DIAPH3: variants seen among roughly 807,000 people sequenced by gnomAD.
DIAPH3 encodes diaphanous related formin 3.
Under a neutral mutation model 144.3 loss-of-function variants are expected in DIAPH3, and 117 were observed. The observed-to-expected ratio is 0.81, with a 90% confidence interval of 0.70 to 0.95. The LOEUF (loss-of-function observed/expected upper bound fraction) is 0.95. Ranked by LOEUF, DIAPH3 falls within the 40% of genes least tolerant of loss-of-function variation. The probability of loss-of-function intolerance (pLI) is 0.00; values close to 1 mark genes in which losing one functional copy is unlikely to be tolerated. For synonymous variants in DIAPH3, 519 were observed against 488.9 expected, an observed-to-expected ratio of 1.06 and a Z score of -0.81; for missense variants, 1,421 against 1,412.7, an observed-to-expected ratio of 1.01 and a Z score of -0.09.
chr13:59,980,694 G>A (rs1442025782), intron 14 of DIAPH3, 101 bp downstream of exon 14: 4 of 1,084,458 alleles, frequency 3.7e-6, no homozygotes, highest in East Asian at 4.9e-5. Context: ...ACCTGAAGCA[G>A]ATAAAGAAGA....
chr13:59,837,445 C>T (rs901232546), intron 23 of DIAPH3, among the ~76,000 whole-genome samples: 3 of 151,960 alleles, frequency 2.0e-5, no homozygotes, highest in African/African-American at 7.2e-5. Context: ...AACCTTTACT[C>T]CAAGCTCAGG....
intron 27 of DIAPH3, among the ~76,000 whole-genome samples, chr13:59,675,308 T>C (rs961205733): frequency 6.6e-6 from 1 of 152,120 alleles, no homozygotes; most frequent in Non-Finnish European, 1.5e-5. Context: ...TCCCAAGTGA[T>C]TTTCCTGCCT....
intron 23 of DIAPH3, chr13:59,838,170 G>A (rs2042138885): frequency 6.6e-6 from 1 of 151,980 alleles, no homozygotes; most frequent in South Asian, 2.1e-4. Context: ...TTGTCCATAT[G>A]GGATTTTAAT....
At chr13:59,677,481 T>C (rs2032708107) in intron 27 of DIAPH3, among the ~76,000 whole-genome samples, 1 of 152,298 alleles carries the variant, frequency 6.6e-6, no homozygotes, top group Admixed American at 6.5e-5. Flanking sequence ...TCAAATATTA[T>C]CACTTTGACA....
chr13:60,070,282 ATTTT>A (rs61432510), intron 4 of DIAPH3, among the ~76,000 whole-genome samples: 3 of 132,544 alleles, frequency 2.3e-5, no homozygotes, highest in African/African-American at 2.8e-5. Flanking sequence ...TTTCTGTTGG[ATTTT>A]TTTTTTTTTT....
chr13:59,787,161 T>C (rs2039076105), intron 25 of DIAPH3, among the ~76,000 whole-genome samples: 1 of 152,178 alleles, frequency 6.6e-6, no homozygotes, highest in Non-Finnish European at 1.5e-5. Context: ...CAAATACACA[T>C]GACAAGTCAA....
At chr13:59,777,880 G>A (rs2139304704) in intron 25 of DIAPH3, among the ~76,000 whole-genome samples, 1 of 152,254 alleles carries the variant, frequency 6.6e-6, no homozygotes, top group Admixed American at 6.5e-5. Flanking sequence ...ATGAAGTATA[G>A]AGGAGTCCCT....
At chr13:60,063,059 G>A (rs190248297) in intron 4 of DIAPH3, among the ~76,000 whole-genome samples, 2 of 152,272 alleles carry the variant, frequency 1.3e-5, no homozygotes, top group Admixed American at 1.3e-4. Context: ...AATGCTACTT[G>A]ATAGCATTTT....
intron 27 of DIAPH3, among the ~76,000 whole-genome samples, chr13:59,750,897 TA>T (rs1298910565): frequency 6.6e-6 from 1 of 152,228 alleles, no homozygotes; most frequent in Non-Finnish European, 1.5e-5. Context: ...CAACAGGTTT[TA>T]AACAGTCTTC....
intron 17 of DIAPH3, among the ~76,000 whole-genome samples, chr13:59,952,368 A>T (rs1403947150): frequency 6.6e-6 from 1 of 152,154 alleles, no homozygotes; most frequent in Non-Finnish European, 1.5e-5. Context: ...ATTTTATGTG[A>T]TATTAAGTTT....
intron 27 of DIAPH3, among the ~76,000 whole-genome samples, chr13:59,688,811 C>G (rs1359629279): frequency 6.6e-6 from 1 of 151,960 alleles, no homozygotes; most frequent in South Asian, 2.1e-4. Context: ...AAAAATGCTA[C>G]CAAGTACCCA....
At chr13:59,805,517 T>C (rs1001798477) in intron 25 of DIAPH3, among the ~76,000 whole-genome samples, 2 of 151,946 alleles carry the variant, frequency 1.3e-5, no homozygotes, top group African/African-American at 4.8e-5. Context: ...TAAATTAAAA[T>C]AGTTCAAACT....
At chr13:59,689,591 A>G (rs1211505190) in intron 27 of DIAPH3, among the ~76,000 whole-genome samples, 1 of 152,060 alleles carries the variant, frequency 6.6e-6, no homozygotes, top group Admixed American at 6.6e-5. Context: ...CAAAATTCTG[A>G]GTAAGAAACG....
chr13:59,908,888 T>C (rs901198238), intron 20 of DIAPH3, among the ~76,000 whole-genome samples: 6 of 152,122 alleles, frequency 3.9e-5, no homozygotes, highest in Non-Finnish European at 7.4e-5. Flanking sequence ...CAAGCTTTGG[T>C]CCTATTTGGA....
chr13:60,013,573 C>A (rs1430173166), intron 7 of DIAPH3, among the ~76,000 whole-genome samples: 1 of 152,178 alleles, frequency 6.6e-6, no homozygotes, highest in Non-Finnish European at 1.5e-5. Flanking sequence ...AATTAAAATT[C>A]TCTTCCATTT....
At chr13:59,756,266 T>G (rs2037251695) in intron 27 of DIAPH3, among the ~76,000 whole-genome samples, 1 of 152,196 alleles carries the variant, frequency 6.6e-6, no homozygotes, top group Non-Finnish European at 1.5e-5. Context: ...AATTATTATG[T>G]GTCTCCTTTT....
intron 25 of DIAPH3, among the ~76,000 whole-genome samples, chr13:59,805,176 T>C (rs1180738136): frequency 6.6e-6 from 1 of 152,042 alleles, no homozygotes; most frequent in Non-Finnish European, 1.5e-5. Context: ...TTAAATAAGC[T>C]CTTATTTACT....
intron 5 of DIAPH3, among the ~76,000 whole-genome samples, chr13:60,038,920 T>C (rs1327964922): frequency 6.6e-6 from 1 of 152,122 alleles, no homozygotes; most frequent in Non-Finnish European, 1.5e-5. Flanking sequence ...TTTATGTTTC[T>C]ACCCAAATGT....
intron 27 of DIAPH3, among the ~76,000 whole-genome samples, chr13:59,723,288 A>G (rs758555370): frequency 1.3e-5 from 2 of 152,174 alleles, no homozygotes. Context: ...AGAGTCAGTG[A>G]GACCCTATTT....
Sources: allele counts gnomAD v4.1 joint callset (sites outside exome capture counted in the v4.1 genomes callset), GRCh38; gene constraint gnomAD v4.1.1; transcripts MANE v1.5; gene names NCBI Gene and HGNC (gene_info 2026-07-23, HGNC 2026-07-21).